The following UHRF2 variants were observed in gnomAD, a reference collection of about 807,000 sequenced individuals.
UHRF2 encodes ubiquitin like with PHD and ring finger domains 2, also known as E3 ubiquitin-protein ligase UHRF2.
UHRF2 carries 23 observed loss-of-function variants against 96.8 expected under a neutral mutation model. That is an observed-to-expected ratio of 0.24 (90% CI 0.17 to 0.34). UHRF2 has a LOEUF of 0.34. Among genes scored for constraint, UHRF2 ranks in the 10% least tolerant of loss-of-function variants. UHRF2 has a pLI of 1.00. For synonymous variants in UHRF2, 385 were observed against 332.6 expected (o/e 1.16, Z -1.72); for missense variants, 685 against 981.5 (o/e 0.70, Z 4.04).
chr9:6,491,637 G>A lies in UHRF2; in HGVS notation c.1498-2189G>A, dbSNP rs145801256. The stretch of plus-strand genomic sequence containing the variant: ...AGGTCTTCCACCTGATCTTGATGAT[G>A]GCAAGAATGTGAGCATCCAGCTTGT... On this transcript the variant is annotated intron_variant, in intron 9 of 15. Coordinates refer to ENST00000276893, the MANE Select transcript of UHRF2 (RefSeq NM_152896.3). Among the ~76,000 whole-genome samples the A allele has an allele frequency of 5.1e-3, 779 of 152,338 alleles. 4 individuals are homozygous for A. The highest frequency in any genetic ancestry group is 0.017 in the African/African-American group (720 of 41,586).
At chr9:6,422,025 A>G (rs138370843) in intron 2 of UHRF2, among the ~76,000 whole-genome samples, 29 of 152,302 alleles carry the variant, frequency 1.9e-4, no homozygotes, top group African/African-American at 7.0e-4. Flanking sequence ...GGCTGTTTCC[A>G]GTTTCATCTG....
rs370114057 is a variant in UHRF2 at position 6,481,775 on chromosome 9, G to A, written c.1284+9G>A. Reference sequence around the variant, plus strand: ...GAAGAGACTGGGGCAGGGTAAAGAAGAAATTCCCCTTTTCTTCCTAATAGC... The same window carrying A: ...GAAGAGACTGGGGCAGGGTAAAGAAAAAATTCCCCTTTTCTTCCTAATAGC... On this transcript the variant is annotated intron_variant, in intron 7 of 15. Transcript: ENST00000276893. 77 of 1,601,326 alleles carry A rather than the reference G, an allele frequency of 4.8e-5. No individual in the cohort carries two copies. Among genetic ancestry groups the A allele is most frequent in the Admixed American group, 1.6e-4 (9 of 55,390 alleles).
chr9:6,439,054 T>G (rs1821009274), intron 3 of UHRF2, among the ~76,000 whole-genome samples: 1 of 152,180 alleles, frequency 6.6e-6, no homozygotes, highest in South Asian at 2.1e-4. Flanking sequence ...CTTCAAAAAT[T>G]ACAGATACAA....
chr9:6,421,354 G>A (rs578101721), intron 2 of UHRF2, among the ~76,000 whole-genome samples: 3 of 152,264 alleles, frequency 2.0e-5, no homozygotes, highest in Non-Finnish European at 4.4e-5. Flanking sequence ...GAGCAATAAA[G>A]GAAATACTTG....
intron 3 of UHRF2, among the ~76,000 whole-genome samples, chr9:6,439,702 T>G (rs1203949032): frequency 3.3e-5 from 5 of 152,210 alleles, no homozygotes; most frequent in Admixed American, 3.3e-4. Context: ...ATTATTAAAT[T>G]TAAACTCTAG....
At chr9:6,505,581 G>A (rs925511781) in intron 15 of UHRF2, among the ~76,000 whole-genome samples, 4 of 152,236 alleles carry the variant, frequency 2.6e-5, no homozygotes, top group African/African-American at 7.2e-5. Context: ...ACAGGCATGA[G>A]CCACCATACC....
intron 14 of UHRF2, among the ~76,000 whole-genome samples, chr9:6,503,196 A>G (rs2130976544): frequency 6.6e-6 from 1 of 152,218 alleles, no homozygotes; most frequent in South Asian, 2.1e-4. Flanking sequence ...GGTTTTGGCC[A>G]TGTTGGCCAG....
chr9:6,438,753 A>G (rs571898587), intron 3 of UHRF2, among the ~76,000 whole-genome samples: 64 of 152,250 alleles, frequency 4.2e-4, no homozygotes, highest in Non-Finnish European at 8.1e-4. Flanking sequence ...CTAATAGATT[A>G]CTAGACCAGA....
chr9:6,505,887 C>CA, intron 15 of UHRF2, 146 bp from the exon 16 acceptor site: 1 of 747,270 alleles, frequency 1.3e-6, no homozygotes, highest in Non-Finnish European at 2.1e-6. Context: ...TAGTCTTTTC[C>CA]ATAGTGCAGA....
At chr9:6,416,844 C>T (rs10975583) in intron 1 of UHRF2, among the ~76,000 whole-genome samples, 105,948 of 152,052 alleles carry the variant, frequency 0.7, 39,549 homozygotes, top group South Asian at 0.83. Flanking sequence ...TTTGAGAATC[C>T]AGAGCTTTTC....
At chr9:6,501,213 A>G (rs377649887) in intron 14 of UHRF2, among the ~76,000 whole-genome samples, 1 of 152,200 alleles carries the variant, frequency 6.6e-6, no homozygotes, top group African/African-American at 2.4e-5. Context: ...ATCACAGTTA[A>G]TTAATGTGTG....
chr9:6,432,075 T>A (rs555609974), intron 2 of UHRF2, among the ~76,000 whole-genome samples: 2 of 152,350 alleles, frequency 1.3e-5, no homozygotes, highest in South Asian at 4.1e-4. Flanking sequence ...GTGATTAGTA[T>A]GGGAGAAATG....
In UHRF2 at chr9:6,418,616, T is replaced by C. The variant is rs1416940575; in HGVS notation, c.154-2296T>C. Among the ~76,000 whole-genome samples, 4 of 152,212 alleles carry C rather than the reference T, an allele frequency of 2.6e-5. No homozygotes were observed. In the East Asian group the frequency reaches 7.7e-4, roughly 29 times the overall value. ...TGTTACTGTGTTAGAGTTGTGAATG[T>C]TGAAAAGTAATACATATGAAGAGTA... is the stretch of plus-strand genomic sequence containing the variant. On this transcript the variant is annotated intron_variant, in intron 1 of 15. Transcript: ENST00000276893.
chr9:6,487,908 C>G (rs1368706319), intron 9 of UHRF2, among the ~76,000 whole-genome samples: 2 of 152,062 alleles, frequency 1.3e-5, no homozygotes, highest in African/African-American at 4.8e-5. Flanking sequence ...ATTAAACTTA[C>G]TATTTTGAGA....
intron 10 of UHRF2, 160 bp from the exon 11 acceptor site, chr9:6,497,038 G>A: frequency 2.9e-6 from 2 of 692,992 alleles, no homozygotes; most frequent in Non-Finnish European, 4.5e-6. Context: ...TTCTCTGCTG[G>A]TGGGGGAAAG....
At chr9:6,446,911 C>T (rs908839425) in intron 3 of UHRF2, among the ~76,000 whole-genome samples, 2 of 151,844 alleles carry the variant, frequency 1.3e-5, no homozygotes, top group African/African-American at 2.4e-5. Context: ...TGTTTTGAGA[C>T]AGAGTCTTGC....
chr9:6,479,070 T>G (rs1323888175), intron 6 of UHRF2, among the ~76,000 whole-genome samples: 1 of 152,178 alleles, frequency 6.6e-6, no homozygotes, highest in Non-Finnish European at 1.5e-5. Flanking sequence ...TCATTCTCAT[T>G]AGCATTCTAG....
intron 12 of UHRF2, 113 bp downstream of exon 12, chr9:6,498,271 G>C: frequency 8.6e-7 from 1 of 1,167,914 alleles, no homozygotes; most frequent in Non-Finnish European, 1.2e-6. Flanking sequence ...GGACTATAAG[G>C]GGTGAGGAAT....
Position 6,477,402 on chromosome 9 carries a change from T to A in UHRF2, c.974-220T>A, listed in dbSNP as rs1261009168. Among the ~76,000 whole-genome samples the A allele has an allele frequency of 2.0e-5, 3 of 151,814 alleles. No individual in the cohort carries two copies. In the East Asian group the frequency reaches 5.8e-4, roughly 29 times the overall value. On this transcript the variant is annotated intron_variant, in intron 5 of 15. Transcript: ENST00000276893. Reference sequence around the variant, plus strand: ...TTAGCCAGGCGTGGTGGCACATGCCTGTAATCCCAGCTACTCGAGAAGCTG... The same window carrying A: ...TTAGCCAGGCGTGGTGGCACATGCCAGTAATCCCAGCTACTCGAGAAGCTG...
Sources: allele counts gnomAD v4.1 joint callset (sites outside exome capture counted in the v4.1 genomes callset), GRCh38; gene constraint gnomAD v4.1.1; transcripts MANE v1.5; gene names NCBI Gene and HGNC (gene_info 2026-07-23, HGNC 2026-07-21).